The following NT5DC2 variants were observed in gnomAD, a reference collection of about 807,000 sequenced individuals.
NT5DC2 encodes the protein 5'-nucleotidase domain-containing protein 2.
NT5DC2 carries 41 observed loss-of-function variants against 70.0 expected under a neutral mutation model. That is an observed-to-expected ratio of 0.59 (90% CI 0.46 to 0.76). NT5DC2 has a LOEUF of 0.76. Ranked by LOEUF, NT5DC2 falls within the 30% of genes least tolerant of loss-of-function variation. The pLI is 0.00. For synonymous variants in NT5DC2, 299 were observed against 310.4 expected (o/e 0.96, Z 0.39); for missense variants, 705 against 783.2 (o/e 0.90, Z 1.19).
In NT5DC2 at chr3:52,527,618, T is replaced by C; in HGVS notation, c.1036A>G (p.Lys346Glu). 6.2e-7 allele frequency: 1 copy of C among 1,612,962 alleles called. No individual in the cohort carries two copies. Among genetic ancestry groups the C allele is most frequent in the Non-Finnish European group, 8.5e-7 (1 of 1,179,976 alleles). Residue 346 changes from lysine (K) to glutamate (E), a missense_variant and splice_region_variant, in exon 9 of 14, where the codon AAG (lysine) becomes GAG (glutamate). Coordinates refer to ENST00000422318, the MANE Select transcript of NT5DC2 (RefSeq NM_001134231.2). ...CTGCAACCCCCACCATGCCCATACT[T>C]GCGCCGGTCAGTGAAGAAGCTGGGC... ...DKPSFFTDRRKPFRKLDEKGS... is the reference protein window; with the variant it reads ...DKPSFFTDRREPFRKLDEKGS...
upstream of NT5DC2, chr3:52,534,690 A>G (rs764982411): frequency 6.3e-7 from 1 of 1,578,534 alleles, no homozygotes. Flanking sequence ...GCCCGCACGC[A>G]TACCAGGCTG....
At chr3:52,534,098 A>G (rs1308110273), upstream of NT5DC2, 2 of 261,854 alleles carry the variant, frequency 7.6e-6, no homozygotes, top group Non-Finnish European at 1.5e-5. Flanking sequence ...GCCGTCCCTG[A>G]GAGGCTCCGG....
chr3:52,528,723 TGAG>T (rs754214850), intron 3 of NT5DC2, 31 bp from the exon 4 acceptor site: 70 of 1,607,498 alleles, frequency 4.4e-5, no homozygotes, highest in Admixed American at 2.2e-4. Context: ...GGACGGATGG[TGAG>T]GAGGCAGTTT....
At chr3:52,525,135 C>T (rs374309521) in intron 11 of NT5DC2, 32 bp from the exon 12 acceptor site, 79 of 1,170,424 alleles carry the variant, frequency 6.7e-5, no homozygotes, top group South Asian at 2.4e-4. Flanking sequence ...CTGGGCTCAG[C>T]GCCAGTTGCT....
intron 10 of NT5DC2, among the ~76,000 whole-genome samples, chr3:52,526,664 ATTC>A (rs2079278922): frequency 6.6e-6 from 1 of 152,168 alleles, no homozygotes; most frequent in Non-Finnish European, 1.5e-5. Context: ...ATCTCTGACC[ATTC>A]TTGTTTTTTG....
rs2079312287 is a variant in NT5DC2 at position 52,528,459 on chromosome 3, C to T, written c.629G>A (p.Gly210Asp). The T allele has an allele frequency of 1.2e-6, 2 of 1,613,610 alleles. No homozygotes were observed. Among genetic ancestry groups the T allele is most frequent in the Non-Finnish European group, 8.5e-7 (1 of 1,180,004 alleles). ...GGTATGGAGTACCTTGCCATAGAAG[C>T]CACTCATCTGGTATAGTGGGATGTG... ...TQHIPLYQMS[G>D]FYGKGPSIKQ... The change falls in exon 5 of 14, where the codon GGC becomes GAC. Residue 210 changes from glycine to aspartate, a missense_variant. Physicochemically the swap from Gly to Asp is moderately conservative, Grantham distance 94. Transcript: ENST00000422318.
intron 10 of NT5DC2, chr3:52,525,672 C>G: frequency 4.9e-6 from 1 of 204,766 alleles, no homozygotes; most frequent in Non-Finnish European, 9.9e-6. Flanking sequence ...CCTGGCAGAC[C>G]AATGGCAGAC....
chr3:52,527,752 G>A, intron 8 of NT5DC2, 34 bp from the exon 9 acceptor site: 1 of 1,612,408 alleles, frequency 6.2e-7, no homozygotes, highest in Non-Finnish European at 8.5e-7. Context: ...CAAGTAGTCT[G>A]AGGGCGGCTC....
chr3:52,525,006 A>G lies in NT5DC2; in HGVS notation c.1304T>C (p.Leu435Pro). The G allele has an allele frequency of 3.1e-6, 5 of 1,610,944 alleles. No homozygotes were observed. The highest frequency in any genetic ancestry group is 4.2e-6 in the Non-Finnish European group (5 of 1,179,254). The change falls in exon 12 of 14, where the codon CTG becomes CCG. Residue 435 changes from leucine (L) to proline (P), a missense_variant. Physicochemically the swap from Leu to Pro is moderately conservative, Grantham distance 98. Coordinates refer to ENST00000422318, the MANE Select transcript of NT5DC2 (RefSeq NM_001134231.2). ...IINTEQYMHS[L>P]TWQQALTGLL... ...CCCCGTGAGCGCCTGCTGCCACGTC[A>G]GCGAGTGCATGTACTGCTCCGTGTT... is the stretch of plus-strand genomic sequence containing the variant.
intron 7 of NT5DC2, 36 bp from the exon 8 acceptor site, chr3:52,527,967 G>A (rs1258459737): frequency 6.2e-7 from 1 of 1,613,314 alleles, no homozygotes; most frequent in South Asian, 1.1e-5. Context: ...GGTCAGTCCT[G>A]CCACCTGCTC....
At chr3:52,526,911 G>C (rs1439356510) in intron 10 of NT5DC2, among the ~76,000 whole-genome samples, 2 of 152,224 alleles carry the variant, frequency 1.3e-5, no homozygotes, top group Non-Finnish European at 2.9e-5. Context: ...CTATCCTGCA[G>C]CCTCAGCCTC....
chr3:52,533,971 C>T (rs2079397661), upstream of NT5DC2: 1 of 386,028 alleles, frequency 2.6e-6, no homozygotes, highest in Non-Finnish European at 3.5e-6. Context: ...CAGCCCCCTC[C>T]CCCAGCCAGT....
At chr3:52,527,422 C>T (rs367775315) in intron 9 of NT5DC2, 47 bp from the exon 10 acceptor site, 306 of 1,595,992 alleles carry the variant, frequency 1.9e-4, no homozygotes, top group Non-Finnish European at 2.4e-4. Flanking sequence ...GGCTGGGCCA[C>T]GGGCCGGGCA....
At chr3:52,533,211 C>A (rs1435717038) in intron 1 of NT5DC2, among the ~76,000 whole-genome samples, 1 of 152,186 alleles carries the variant, frequency 6.6e-6, no homozygotes, top group East Asian at 1.9e-4. Context: ...GCAGGCGGGA[C>A]CCCGAAGGAA....
intron 4 of NT5DC2, 25 bp from the exon 5 acceptor site, chr3:52,528,564 G>C: frequency 5.2e-6 from 8 of 1,545,308 alleles, no homozygotes; most frequent in Non-Finnish European, 7.0e-6. Flanking sequence ...GATACCATCA[G>C]TCCAAGGTAG....
rs201941712 is a variant in NT5DC2 at position 52,528,155 on chromosome 3, C to T, written c.771+28G>A. 175 of 1,612,876 alleles carry T rather than the reference C, an allele frequency of 1.1e-4. No individual in the cohort carries two copies. In the Middle Eastern group the frequency reaches 2.0e-3, roughly 18 times the overall value. ...TGTGGCTGGACTTAGTCTTTCCTGC[C>T]ATCCGAGGGCAGGCCCAGCATCCTC... On this transcript the variant is annotated intron_variant, in intron 6 of 13. Transcript: ENST00000422318.
At chr3:52,534,726 C>G, upstream of NT5DC2, 4 of 1,540,716 alleles carry the variant, frequency 2.6e-6, no homozygotes, top group South Asian at 3.7e-5. Flanking sequence ...GGAGGCCGAC[C>G]CAGTAGCCGT....
In NT5DC2 at chr3:52,524,692, G is replaced by GCTGC; in HGVS notation, c.1448_1451dup (p.Ser484ArgfsTer22). ...TGGGGTTGTGGAAGGTGCGGAAGAT[G>GCTGC]CTGCCGAACTGCGCATTGAACAGGG... is the stretch of plus-strand genomic sequence containing the variant. On this transcript the variant is annotated frameshift_variant, in exon 14 of 14. Transcript: ENST00000422318. LOFTEE classifies it high-confidence loss of function. 6.2e-7 allele frequency: 1 copy of GCTGC among 1,612,790 alleles called. No individual in the cohort carries two copies. The highest frequency in any genetic ancestry group is 8.5e-7 in the Non-Finnish European group (1 of 1,180,032).
In NT5DC2 at chr3:52,533,660, C is replaced by T; in HGVS notation, c.78G>A (p.Ser26=). 3.5e-6 allele frequency: 4 copies of T among 1,157,058 alleles called. No individual in the cohort carries two copies. The highest frequency in any genetic ancestry group is 4.3e-6 in the Non-Finnish European group (4 of 940,608). The allele number at this position is 1,157,058 out of a possible 1,614,324, so 71.7% of individuals were successfully genotyped here. Residue 26 remains serine, a synonymous_variant, in exon 1 of 14, where the codon TCG becomes TCA. Transcript: ENST00000422318. ...CGCACCCAGGGCAGGAGGGCGAGGACGAGGCGGCTCGCGGCCCGCCGTGGC... is the reference window on the plus strand; with the variant it reads ...CGCACCCAGGGCAGGAGGGCGAGGATGAGGCGGCTCGCGGCCCGCCGTGGC... ...CGGHGGPRAA[S]SSPSCPGCGP...
Sources: allele counts gnomAD v4.1 joint callset (sites outside exome capture counted in the v4.1 genomes callset), GRCh38; gene constraint gnomAD v4.1.1; transcripts MANE v1.5; gene names NCBI Gene and HGNC (gene_info 2026-07-23, HGNC 2026-07-21).